MACROD2: variants seen among roughly 807,000 people sequenced by gnomAD.
The protein encoded by MACROD2 is mono-ADP ribosylhydrolase 2, also known as ADP-ribose glycohydrolase MACROD2.
MACROD2 carries 36 observed loss-of-function variants against 70.4 expected under a neutral mutation model. The observed-to-expected ratio is 0.51, with a 90% CI of 0.39 to 0.68. The LOEUF is 0.68. Among genes scored for constraint, MACROD2 ranks in the 30% least tolerant of loss-of-function variants. The pLI, the probability that MACROD2 is intolerant of heterozygous loss-of-function variation, is 0.00. For synonymous variants in MACROD2, 172 were observed against 178.8 expected, an observed-to-expected ratio of 0.96 and a Z score of 0.30; for missense variants, 496 against 538.4, an observed-to-expected ratio of 0.92 and a Z score of 0.78.
intron 6 of MACROD2, among the ~76,000 whole-genome samples, chr20:15,398,295 A>C (rs2045885996): frequency 6.6e-6 from 1 of 152,148 alleles, no homozygotes; most frequent in African/African-American, 2.4e-5. Flanking sequence ...CATTCTCTTG[A>C]TTTTTTATAG....
At chr20:15,948,262 A>G (rs2065852991) in intron 12 of MACROD2, among the ~76,000 whole-genome samples, 1 of 151,906 alleles carries the variant, frequency 6.6e-6, no homozygotes, top group Non-Finnish European at 1.5e-5. Flanking sequence ...ATAGACAATC[A>G]TCTATCACCT....
chr20:14,010,100 G>C (rs2052881332), intron 2 of MACROD2, among the ~76,000 whole-genome samples: 2 of 152,128 alleles, frequency 1.3e-5, no homozygotes, highest in Middle Eastern at 3.4e-3. Flanking sequence ...ACAAAGCTGT[G>C]TGTCTTGCAC....
chr20:15,236,176 A>G (rs188976565), intron 6 of MACROD2, among the ~76,000 whole-genome samples: 51 of 152,320 alleles, frequency 3.3e-4, no homozygotes, highest in African/African-American at 1.2e-3. Flanking sequence ...GAAAAAGCTA[A>G]CTCAAGACTT....
At chr20:14,954,622 T>A (rs2074505098) in intron 5 of MACROD2, among the ~76,000 whole-genome samples, 1 of 129,710 alleles carries the variant, frequency 7.7e-6, no homozygotes, top group African/African-American at 2.9e-5. Context: ...TATATATAAT[T>A]TATATAAATA....
At position 14,389,324 on chromosome 20, in the gene MACROD2, C is replaced by T. The variant is rs555640457; in HGVS notation, c.272-104155C>T. Among the ~76,000 whole-genome samples, 78 of 148,998 alleles carry T rather than the reference C, an allele frequency of 5.2e-4. 1 individual carries two copies. In the Middle Eastern group the frequency reaches 0.052, roughly 100 times the overall value. ...GTAATCCCAGCTACTCGGGAGGCTG[C>T]GGCAGGAGAATCGCTTGAACCCGGC... On this transcript the variant is annotated intron_variant, in intron 3 of 17. Transcript: ENST00000684519.
At chr20:15,319,077 A>G (rs532086454) in intron 6 of MACROD2, among the ~76,000 whole-genome samples, 9 of 152,176 alleles carry the variant, frequency 5.9e-5, no homozygotes, top group Non-Finnish European at 1.3e-4. Flanking sequence ...ATCCACAAAA[A>G]GAGAAAACTG....
intron 3 of MACROD2, among the ~76,000 whole-genome samples, chr20:14,429,581 T>C (rs2083972275): frequency 6.6e-6 from 1 of 152,186 alleles, no homozygotes; most frequent in Non-Finnish European, 1.5e-5. Context: ...TAGTGGACTT[T>C]ACAGTGCTCT....
At chr20:15,521,607 C>G (rs1288410870) in intron 8 of MACROD2, among the ~76,000 whole-genome samples, 1 of 152,138 alleles carries the variant, frequency 6.6e-6, no homozygotes, top group Non-Finnish European at 1.5e-5. Flanking sequence ...TTTTATGAAA[C>G]TGTGTAAAAA....
chr20:15,865,860 C>A (rs1412099036), intron 9 of MACROD2, among the ~76,000 whole-genome samples: 1 of 152,144 alleles, frequency 6.6e-6, no homozygotes, highest in Non-Finnish European at 1.5e-5. Flanking sequence ...CTGTATGCAC[C>A]ACCCCTTAGG....
At chr20:14,082,583 T>C (rs1032239183) in intron 2 of MACROD2, among the ~76,000 whole-genome samples, 1 of 152,170 alleles carries the variant, frequency 6.6e-6, no homozygotes, top group Non-Finnish European at 1.5e-5. Context: ...TCACTGCAAA[T>C]GTGAGTTACT....
intron 6 of MACROD2, among the ~76,000 whole-genome samples, chr20:15,318,451 A>G (rs1600235854): frequency 6.6e-6 from 1 of 152,146 alleles, no homozygotes. Flanking sequence ...GGAAGAGGGA[A>G]CATGTTCTAA....
At chr20:14,124,101 AT>A (rs886608589) in intron 3 of MACROD2, among the ~76,000 whole-genome samples, 4 of 152,090 alleles carry the variant, frequency 2.6e-5, no homozygotes, top group African/African-American at 9.7e-5. Context: ...TCAAAGGACG[AT>A]TTGTTTCTAT....
intron 5 of MACROD2, among the ~76,000 whole-genome samples, chr20:15,102,401 GAC>G (rs1167842494): frequency 6.6e-6 from 1 of 151,886 alleles, no homozygotes; most frequent in East Asian, 1.9e-4. Context: ...TAAATTTGAA[GAC>G]ACACAAATCC....
rs368743929 is a variant in MACROD2, at chr20:15,120,314, G to A, written c.419-109626G>A. On this transcript the variant is annotated intron_variant, in intron 5 of 17. Transcript: ENST00000684519. ...CATGTGTGCATGTCTGTGCATATGC[G>A]CACACATTTTCTTTCATGGGAGTTC... is the stretch of plus-strand genomic sequence containing the variant. 2.2e-4 allele frequency among the ~76,000 whole-genome samples: 33 copies of A among 152,148 alleles called. No individual in the cohort carries two copies. The East Asian group carries it at 2.9e-3, about 13-fold the overall frequency.
At chr20:15,124,777 C>T (rs943812748) in intron 5 of MACROD2, among the ~76,000 whole-genome samples, 1 of 151,598 alleles carries the variant, frequency 6.6e-6, no homozygotes, top group Non-Finnish European at 1.5e-5. Context: ...TTGCTTTTTA[C>T]CTCCCTGGCT....
At chr20:15,019,141 T>C (rs2075144283) in intron 5 of MACROD2, among the ~76,000 whole-genome samples, 1 of 152,170 alleles carries the variant, frequency 6.6e-6, no homozygotes, top group Non-Finnish European at 1.5e-5. Context: ...CAGTTTTCCC[T>C]TCTTCCTCTG....
chr20:15,776,678 C>T (rs6043538), intron 8 of MACROD2, among the ~76,000 whole-genome samples: 66,156 of 152,014 alleles, frequency 0.44, 15,278 homozygotes, highest in African/African-American at 0.6. Context: ...TACATGACAA[C>T]GAGAACATTC....
intron 15 of MACROD2, among the ~76,000 whole-genome samples, chr20:16,004,123 C>A (rs1250608169): frequency 6.6e-6 from 1 of 152,082 alleles, no homozygotes; most frequent in East Asian, 1.9e-4. Context: ...TCACTGTGGA[C>A]CCCCAGTACC....
intron 3 of MACROD2, among the ~76,000 whole-genome samples, chr20:14,336,851 C>G (rs569240391): frequency 2.0e-5 from 3 of 152,282 alleles, no homozygotes; most frequent in Admixed American, 6.5e-5. Context: ...AGCTCAGGCA[C>G]GATAGCAGTG....
Sources: gnomAD v4.1 joint callset for allele counts (sites outside exome capture counted in the v4.1 genomes callset) on GRCh38, gnomAD v4.1.1 for gene constraint, MANE v1.5 for transcripts, NCBI Gene and HGNC (gene_info 2026-07-23, HGNC 2026-07-21) for gene names.